RAD51B: variants seen among roughly 807,000 people sequenced by gnomAD.
RAD51B encodes the protein DNA repair protein RAD51 homolog 2.
A neutral mutation model predicts 42.2 loss-of-function variants in RAD51B; 38 were observed. The observed-to-expected ratio is 0.90, with a 90% confidence interval of 0.70 to 1.18. The LOEUF is 1.18. Among genes scored for constraint, RAD51B ranks in the 50% most tolerant of loss-of-function variants. The pLI is 0.00. For missense variants in RAD51B, 373 were observed against 400.7 expected (o/e 0.93, Z 0.59); for synonymous variants, 154 against 145.2 (o/e 1.06, Z -0.43).
chr14:68,099,316 C>T (rs139280115), intron 7 of RAD51B, among the ~76,000 whole-genome samples: 33 of 152,310 alleles, frequency 2.2e-4, no homozygotes, highest in Admixed American at 1.6e-3. Flanking sequence ...ATGTCTTTGA[C>T]GTTTGACCTA....
At chr14:68,004,483 G>T in intron 7 of RAD51B, among the ~76,000 whole-genome samples, 1 of 151,478 alleles carries the variant, frequency 6.6e-6, no homozygotes, top group African/African-American at 2.4e-5. Context: ...TCTATTCTCT[G>T]GAAAAATTTT....
At position 68,383,394 on chromosome 14, in the gene RAD51B, A is replaced by C. The variant is rs528983259; in HGVS notation, c.854-28030A>C. On this transcript the variant is annotated intron_variant, in intron 8 of 10. Transcript: ENST00000471583. ...CAATGCTAAGCATCCTACAATAAAC[A>C]GGATGGTCCCTCCAACCAAGACTTA... Among the ~76,000 whole-genome samples, 233 of 152,312 alleles carry C rather than the reference A, an allele frequency of 1.5e-3. 5 individuals are homozygous for C. The highest frequency in any genetic ancestry group is 3.7e-4 in the Non-Finnish European group (25 of 68,024).
intron 9 of RAD51B, among the ~76,000 whole-genome samples, chr14:68,446,376 G>C (rs925484646): frequency 2.0e-5 from 3 of 152,112 alleles, no homozygotes; most frequent in Non-Finnish European, 2.9e-5. Context: ...GCTTGCCCTT[G>C]ATCTCTTACC....
chr14:68,425,258 A>G lies in RAD51B; in HGVS notation c.957+13731A>G, dbSNP rs139638504. ...CCTTTGTCACTTTTTTTCATATCCTAATAGTCTAATATTTTTCCTCAAGAA... is the reference window on the plus strand; with the variant it reads ...CCTTTGTCACTTTTTTTCATATCCTGATAGTCTAATATTTTTCCTCAAGAA... On this transcript the variant is annotated intron_variant, in intron 9 of 10. Coordinates refer to ENST00000471583, the MANE Select transcript of RAD51B (RefSeq NM_133510.4). 3.0e-3 allele frequency among the ~76,000 whole-genome samples: 459 copies of G among 152,264 alleles called. 2 individuals are homozygous for G. Among genetic ancestry groups the G allele is most frequent in the African/African-American group, 0.01 (435 of 41,562 alleles).
At chr14:68,468,370 G>T in intron 10 of RAD51B, 120 bp downstream of exon 10, 1 of 1,039,758 alleles carries the variant, frequency 9.6e-7, no homozygotes, top group African/African-American at 1.6e-5. Flanking sequence ...AAACCAAGAT[G>T]CATTGGCCAG....
At chr14:68,350,107 G>C (rs1396706173) in intron 8 of RAD51B, among the ~76,000 whole-genome samples, 1 of 152,144 alleles carries the variant, frequency 6.6e-6, no homozygotes, top group Non-Finnish European at 1.5e-5. Context: ...ATCTCTCTGT[G>C]CACATATAGA....
At chr14:68,023,216 C>T (rs2140354249) in intron 7 of RAD51B, among the ~76,000 whole-genome samples, 1 of 152,332 alleles carries the variant, frequency 6.6e-6, no homozygotes, top group Middle Eastern at 3.4e-3. Context: ...GTTGCAGGTT[C>T]TTTGAGAAAC....
At chr14:67,828,325 T>A (rs2040903869) in intron 3 of RAD51B, among the ~76,000 whole-genome samples, 1 of 152,154 alleles carries the variant, frequency 6.6e-6, no homozygotes, top group Admixed American at 6.5e-5. Flanking sequence ...TTAGCCCACT[T>A]TTTAATGGGG....
chr14:67,837,754 G>A (rs1202107414), intron 4 of RAD51B, among the ~76,000 whole-genome samples: 1 of 152,042 alleles, frequency 6.6e-6, no homozygotes, highest in Non-Finnish European at 1.5e-5. Flanking sequence ...CAGGTAATTG[G>A]CATATCCATC....
At chr14:68,361,822 C>T (rs1410679971) in intron 8 of RAD51B, among the ~76,000 whole-genome samples, 2 of 152,054 alleles carry the variant, frequency 1.3e-5, no homozygotes, top group African/African-American at 2.4e-5. Flanking sequence ...ATTACAGGCA[C>T]CTGCCACCAC....
At chr14:68,380,462 A>T (rs1204775593) in intron 8 of RAD51B, among the ~76,000 whole-genome samples, 8 of 152,166 alleles carry the variant, frequency 5.3e-5, no homozygotes, top group Non-Finnish European at 1.2e-4. Context: ...ATATACACCT[A>T]TGTTTTCTGC....
In RAD51B at chr14:67,953,481, G is replaced by A. The variant is rs2074490894; in HGVS notation, c.756+66277G>A. ...AAGATTTGAACTTTATTCTCTAGCA[G>A]TGGGGAGTCCATGAAGACTTTTTAG... On this transcript the variant is annotated intron_variant, in intron 7 of 10. Transcript: ENST00000471583. 2.0e-5 allele frequency among the ~76,000 whole-genome samples: 3 copies of A among 152,286 alleles called. No homozygotes were observed. The South Asian group carries it at 6.2e-4, about 32-fold the overall frequency.
At chr14:68,664,701 T>C (rs1237405306) in intron 11 of RAD51B, among the ~76,000 whole-genome samples, 1 of 152,182 alleles carries the variant, frequency 6.6e-6, no homozygotes, top group Non-Finnish European at 1.5e-5. Context: ...ATTGGGTTCA[T>C]ATGTGCTTAT....
intron 10 of RAD51B, among the ~76,000 whole-genome samples, chr14:68,623,900 CT>C (rs1892010843): frequency 6.6e-6 from 1 of 152,164 alleles, no homozygotes; most frequent in East Asian, 1.9e-4. Flanking sequence ...TGTTAAACTG[CT>C]TTTAGGGAGA....
intron 8 of RAD51B, among the ~76,000 whole-genome samples, chr14:68,307,275 T>C (rs1022655579): frequency 7.2e-5 from 11 of 152,162 alleles, no homozygotes; most frequent in African/African-American, 2.4e-4. Context: ...CTGAATGATA[T>C]ATTTCTTAAA....
chr14:68,088,197 G>C (rs1038013712), intron 7 of RAD51B, among the ~76,000 whole-genome samples: 1 of 150,910 alleles, frequency 6.6e-6, no homozygotes, highest in Non-Finnish European at 1.5e-5. Context: ...ATAAGTTTTT[G>C]TAAGGACAAA....
intron 7 of RAD51B, among the ~76,000 whole-genome samples, chr14:68,022,710 A>G (rs535584557): frequency 7.3e-4 from 111 of 151,596 alleles, no homozygotes; most frequent in African/African-American, 2.5e-3. Context: ...ACATGGGTAA[A>G]TTGCATGTTG....
intron 7 of RAD51B, among the ~76,000 whole-genome samples, chr14:68,105,964 C>T (rs2077371540): frequency 1.3e-5 from 2 of 151,850 alleles, no homozygotes; most frequent in South Asian, 2.1e-4. Context: ...TTAGTAATGA[C>T]TAGTGCCAAG....
intron 10 of RAD51B, among the ~76,000 whole-genome samples, chr14:68,499,169 T>C (rs1884748749): frequency 6.6e-6 from 1 of 152,198 alleles, no homozygotes; most frequent in Non-Finnish European, 1.5e-5. Context: ...TTTGCACTCG[T>C]AAGCCTAAGG....
Sources: allele counts gnomAD v4.1 joint callset (sites outside exome capture counted in the v4.1 genomes callset), GRCh38; gene constraint gnomAD v4.1.1; transcripts MANE v1.5; gene names NCBI Gene and HGNC (gene_info 2026-07-23, HGNC 2026-07-21).